Variants in AREG observed in about 807,000 individuals in gnomAD.
AREG encodes amphiregulin.
A neutral mutation model predicts 28.0 loss-of-function variants in AREG; 16 were observed. The ratio of observed to expected loss-of-function variants is 0.57; its 90% CI spans 0.39 to 0.87. The LOEUF is 0.87. Ranked by LOEUF, AREG falls within the 40% of genes least tolerant of loss-of-function variation. AREG has a pLI of 0.00. For synonymous variants in AREG, 113 were observed against 113.5 expected, an observed-to-expected ratio of 1.00 and a Z score of 0.02; for missense variants, 287 against 309.1, an observed-to-expected ratio of 0.93 and a Z score of 0.53.
At position 74,445,399 on chromosome 4, in the gene AREG, C is replaced by T. The variant is rs770624247; in HGVS notation, c.54C>T (p.Leu18=). The part of the protein sequence containing the change: ...PAPVVLSLLI[L]GSGHYAAGLD... Reference sequence around the variant, plus strand: ...CGGTGGTGCTGTCGCTCTTGATACTCGGCTCAGGTGAGGATTCACCGGCGC... The same window carrying T: ...CGGTGGTGCTGTCGCTCTTGATACTTGGCTCAGGTGAGGATTCACCGGCGC... The change falls in exon 1 of 6, where the codon CTC becomes CTT. Residue 18 remains leucine (L), a synonymous_variant. Transcript: ENST00000395748. 3.5e-5 allele frequency: 57 copies of T among 1,609,462 alleles called. No individual in the cohort carries two copies. The East Asian group carries it at 1.2e-3, about 33-fold the overall frequency.
At chr4:74,450,337 C>G in intron 3 of AREG, 43 bp from the exon 4 acceptor site, 1 of 1,613,724 alleles carries the variant, frequency 6.2e-7, no homozygotes, top group Non-Finnish European at 8.5e-7. Flanking sequence ...AAACACACCG[C>G]ACGTTTTTGT....
chr4:74,445,215 C>G lies in AREG; in HGVS notation c.-131C>G, dbSNP rs1174524722. 5.3e-6 allele frequency: 8 copies of G among 1,519,242 alleles called. No individual in the cohort carries two copies. The highest frequency in any genetic ancestry group is 7.1e-6 in the Non-Finnish European group (8 of 1,129,010). The allele number at this position is 1,519,242 out of a possible 1,614,324, so 94.1% of individuals were successfully genotyped here. On this transcript the variant is annotated 5_prime_UTR_variant, in exon 1 of 6. Coordinates refer to ENST00000395748, the MANE Select transcript of AREG (RefSeq NM_001657.4). ...CGCCGCGCCCGCCGCCCCGAGCTCCCCAAGCCTTCGAGAGCGGCGCACACT... is the reference window on the plus strand; with the variant it reads ...CGCCGCGCCCGCCGCCCCGAGCTCCGCAAGCCTTCGAGAGCGGCGCACACT...
intron 2 of AREG, 90 bp downstream of exon 2, chr4:74,446,872 T>G: frequency 2.5e-6 from 4 of 1,597,368 alleles, no homozygotes; most frequent in Non-Finnish European, 3.4e-6. Context: ...TCCCCAGATT[T>G]TCTAGTGGCT....
rs931385051 is a variant in AREG at position 74,452,047 on chromosome 4, G to C, written c.666-497G>C. 9.9e-5 allele frequency among the ~76,000 whole-genome samples: 15 copies of C among 152,250 alleles called. No individual in the cohort carries two copies. In the East Asian group the frequency reaches 2.1e-3, roughly 22 times the overall value. ...ACAGGGGGTTTTTATACAACAACAA[G>C]AAGTTTTTAAATAATTGAGTTTTTA... On this transcript the variant is annotated intron_variant, in intron 4 of 5. Coordinates refer to ENST00000395748, the MANE Select transcript of AREG (RefSeq NM_001657.4).
intron 5 of AREG, among the ~76,000 whole-genome samples, chr4:74,454,461 T>C (rs1578846324): frequency 6.6e-6 from 1 of 152,240 alleles, no homozygotes; most frequent in Non-Finnish European, 1.5e-5. Flanking sequence ...GAAAACTATT[T>C]CTCATGACTG....
intron 5 of AREG, 40 bp from the exon 6 acceptor site, chr4:74,454,714 ATTTTG>A (rs1356821100): frequency 1.1e-5 from 7 of 654,072 alleles, no homozygotes; most frequent in East Asian, 2.8e-5. Flanking sequence ...TATCTGTAAC[ATTTTG>A]TTTTATTTTA....
At chr4:74,452,500 A>C in intron 4 of AREG, 44 bp from the exon 5 acceptor site, 1 of 1,611,260 alleles carries the variant, frequency 6.2e-7, no homozygotes, top group Non-Finnish European at 8.5e-7. Flanking sequence ...AAACATATAG[A>C]TGAATAGAAC....
chr4:74,445,153 G>T lies in AREG; in HGVS notation c.-193G>T. 2 of 1,285,144 alleles carry T rather than the reference G, an allele frequency of 1.6e-6. 1 individual carries two copies. Among genetic ancestry groups the T allele is most frequent in the South Asian group, 3.1e-5 (2 of 63,978 alleles). The allele number at this position is 1,285,144 out of a possible 1,614,324, so 79.6% of individuals were successfully genotyped here. A position where few individuals can be genotyped will look rare whatever the true frequency, so the allele number is the denominator to read the frequency against. ...CGCCCTACAGACGTTCGCACACCTG[G>T]GTGCCAGCGCCCCAGAGGTCCCGGG... On this transcript the variant is annotated 5_prime_UTR_variant, in exon 1 of 6. Coordinates refer to ENST00000395748, the MANE Select transcript of AREG (RefSeq NM_001657.4).
chr4:74,447,371 G>GAAT lies in AREG; in HGVS notation c.310+602_310+604dup, dbSNP rs1578843871. ...AGTACTAGGTGATGAGAAGCTGATG[G>GAAT]AATAATAATAATAATGCCATCTGGA... is the stretch of plus-strand genomic sequence containing the variant. On this transcript the variant is annotated intron_variant, in intron 2 of 5. Coordinates refer to ENST00000395748, the MANE Select transcript of AREG (RefSeq NM_001657.4). Among the ~76,000 whole-genome samples the GAAT allele has an allele frequency of 2.0e-5, 3 of 152,116 alleles. No individual in the cohort carries two copies. In the South Asian group the frequency reaches 6.2e-4, roughly 32 times the overall value.
intron 1 of AREG, 28 bp from the exon 2 acceptor site, chr4:74,446,506 T>C: frequency 6.2e-7 from 1 of 1,613,996 alleles, no homozygotes; most frequent in Non-Finnish European, 8.5e-7. Context: ...TTACCTTTTC[T>C]TTTCTTCCTT....
Position 74,450,389 on chromosome 4 carries a change from A to G in AREG, c.522A>G (p.Gln174=). The change falls in exon 4 of 6, where the codon CAA becomes CAG. Residue 174 remains glutamine, a synonymous_variant. Coordinates refer to ENST00000395748, the MANE Select transcript of AREG (RefSeq NM_001657.4). ...TGTGAATTGCTTGCAGATGTCAGCA[A>G]GAATATTTCGGTGAACGGTGTGGGG... ...HLEAVTCKCQ[Q]EYFGERCGEK... 6.2e-7 allele frequency: 1 copy of G among 1,613,994 alleles called. No individual in the cohort carries two copies. Among genetic ancestry groups the G allele is most frequent in the Non-Finnish European group, 8.5e-7 (1 of 1,179,864 alleles).
chr4:74,449,639 A>G (rs1307602934), intron 3 of AREG, among the ~76,000 whole-genome samples: 1 of 152,140 alleles, frequency 6.6e-6, no homozygotes, highest in East Asian at 1.9e-4. Flanking sequence ...TAGTCCCAGC[A>G]GTCTGGGAGG....
At position 74,449,040 on chromosome 4, in the gene AREG, T is replaced by G; in HGVS notation, c.311-7T>G. 6.2e-7 allele frequency: 1 copy of G among 1,608,148 alleles called. No homozygotes were observed. The highest frequency in any genetic ancestry group is 8.5e-7 in the Non-Finnish European group (1 of 1,178,996). On this transcript the variant is annotated splice_region_variant and splice_polypyrimidine_tract_variant and intron_variant, in intron 2 of 5. Coordinates refer to ENST00000395748, the MANE Select transcript of AREG (RefSeq NM_001657.4). ...AGACTCTTGTCAATAAATCTTTTCT[T>G]TTTTAGTTGAACAGGTAGTTAAGCC...
intron 2 of AREG, chr4:74,448,707 A>G (rs927851813): frequency 1.3e-5 from 3 of 222,712 alleles, no homozygotes; most frequent in African/African-American, 4.6e-5. Context: ...AATGAGCTCC[A>G]TGGAAATTAT....
intron 2 of AREG, 87 bp from the exon 3 acceptor site, chr4:74,448,960 G>A (rs1396944569): frequency 1.5e-5 from 23 of 1,551,842 alleles, no homozygotes; most frequent in South Asian, 7.1e-5. Flanking sequence ...CCCTGTGAGC[G>A]CTCACTGCTA....
chr4:74,448,053 C>T (rs1719320025), intron 2 of AREG, among the ~76,000 whole-genome samples: 1 of 152,204 alleles, frequency 6.6e-6, no homozygotes, highest in Non-Finnish European at 1.5e-5. Context: ...GTTGGCTGAA[C>T]ACCTTCGAAA....
chr4:74,446,917 C>T, intron 2 of AREG, 135 bp downstream of exon 2: 1 of 1,565,360 alleles, frequency 6.4e-7, no homozygotes, highest in Admixed American at 1.8e-5. Flanking sequence ...CCTAGGTAAA[C>T]TGTGACAAAA....
chr4:74,454,538 T>G (rs1385835243), intron 5 of AREG, among the ~76,000 whole-genome samples: 11 of 152,146 alleles, frequency 7.2e-5, no homozygotes, highest in African/African-American at 2.4e-4. Flanking sequence ...TCTACTGAAC[T>G]AGGTGTATAA....
intron 5 of AREG, 113 bp downstream of exon 5, chr4:74,452,768 A>C (rs1179005799): frequency 3.4e-6 from 3 of 885,840 alleles, no homozygotes; most frequent in Non-Finnish European, 5.1e-6. Context: ...TACACTATGA[A>C]CAATGGCTAT....
Sources: allele counts gnomAD v4.1 joint callset (sites outside exome capture counted in the v4.1 genomes callset), GRCh38; gene constraint gnomAD v4.1.1; transcripts MANE v1.5; gene names NCBI Gene and HGNC (gene_info 2026-07-23, HGNC 2026-07-21).